The following PACS1 variants were observed in gnomAD, a reference collection of about 807,000 sequenced individuals.
PACS1 encodes the protein phosphofurin acidic cluster sorting protein 1, also known as PACS-1.
A neutral mutation model predicts 115.0 loss-of-function variants in PACS1; 24 were observed. The observed-to-expected ratio is 0.21, with a 90% CI of 0.15 to 0.29. The LOEUF (loss-of-function observed/expected upper bound fraction) is 0.29. PACS1 is among the 10% of genes least tolerant of loss of function. The pLI is 1.00. For synonymous variants in PACS1, 453 were observed against 504.5 expected, an observed-to-expected ratio of 0.90 and a Z score of 1.37; for missense variants, 838 against 1,251.2, an observed-to-expected ratio of 0.67 and a Z score of 4.98.
intron 1 of PACS1, among the ~76,000 whole-genome samples, chr11:66,129,013 G>A (rs1408975236): frequency 6.6e-6 from 1 of 152,146 alleles, no homozygotes; most frequent in African/African-American, 2.4e-5. Context: ...GGAATGATCT[G>A]CGTCTTGGCT....
At chr11:66,191,692 T>C (rs969803605) in intron 1 of PACS1, among the ~76,000 whole-genome samples, 2 of 152,168 alleles carry the variant, frequency 1.3e-5, no homozygotes, top group South Asian at 2.1e-4. Flanking sequence ...AGAAAGAGAT[T>C]TATTTGTTTT....
chr11:66,157,621 C>T (rs1590785861), intron 1 of PACS1, among the ~76,000 whole-genome samples: 1 of 152,152 alleles, frequency 6.6e-6, no homozygotes, highest in Admixed American at 6.5e-5. Context: ...AGGTTTCTTA[C>T]CCAAAATAGT....
At chr11:66,074,737 G>A (rs1485326635) in intron 1 of PACS1, among the ~76,000 whole-genome samples, 1 of 152,054 alleles carries the variant, frequency 6.6e-6, no homozygotes, top group Non-Finnish European at 1.5e-5. Context: ...GGACAAAAGC[G>A]TTGGAATCAC....
At chr11:66,234,296 G>C (rs1855663556) in intron 17 of PACS1, 54 bp downstream of exon 17, 3 of 1,218,134 alleles carry the variant, frequency 2.5e-6, no homozygotes, top group Non-Finnish European at 3.7e-6. Context: ...ACAGGTGCCA[G>C]CCTGGCTGCA....
Position 66,070,298 on chromosome 11 carries a change from C to G in PACS1, c.-189C>G, listed in dbSNP as rs1485859712. On this transcript the variant is annotated 5_prime_UTR_variant, in exon 1 of 24. Transcript: ENST00000320580. This position sits in a 1 kb window ranked among gnomAD's most constrained non-coding sequence, Gnocchi z 5.9. ...CCCGTGTCGGCCTCGCGAGCCGCAA[C>G]AGGCAGCGGCGGTCGAGCGCGAGGC... 1 of 179,094 alleles carries G rather than the reference C, an allele frequency of 5.6e-6. No individual in the cohort carries two copies. Among genetic ancestry groups the G allele is most frequent in the Non-Finnish European group, 1.1e-5 (1 of 88,988 alleles). 11.1% of individuals were successfully genotyped at this position (179,094 alleles called of 1,614,324 possible).
chr11:66,186,435 G>A (rs752395270), intron 1 of PACS1, among the ~76,000 whole-genome samples: 5 of 152,110 alleles, frequency 3.3e-5, no homozygotes, highest in African/African-American at 4.8e-5. Context: ...AACTTCTCAA[G>A]GAGGCCCACC....
At chr11:66,072,245 T>C (rs1857320871) in intron 1 of PACS1, among the ~76,000 whole-genome samples, 1 of 152,190 alleles carries the variant, frequency 6.6e-6, no homozygotes, top group Non-Finnish European at 1.5e-5. Context: ...ATAGTTTAAA[T>C]ATTTTCATGA....
chr11:66,186,907 T>A (rs1854388673), intron 1 of PACS1, among the ~76,000 whole-genome samples: 3 of 152,216 alleles, frequency 2.0e-5, no homozygotes, highest in Non-Finnish European at 4.4e-5. Flanking sequence ...TTCCAATCAG[T>A]GCCTCCACCT....
chr11:66,203,129 A>G (rs1854855614), intron 2 of PACS1, among the ~76,000 whole-genome samples: 1 of 152,164 alleles, frequency 6.6e-6, no homozygotes, highest in South Asian at 2.1e-4. Flanking sequence ...TCACAAAATA[A>G]CTATTAGAAC....
intron 1 of PACS1, among the ~76,000 whole-genome samples, chr11:66,106,299 C>T (rs1858038081): frequency 6.6e-6 from 1 of 152,162 alleles, no homozygotes; most frequent in Non-Finnish European, 1.5e-5. Context: ...TGGCCGAGTG[C>T]AGTGGCTCAC....
intron 1 of PACS1, among the ~76,000 whole-genome samples, chr11:66,145,985 TAAAG>T (rs2134601033): frequency 6.6e-6 from 1 of 152,312 alleles, no homozygotes; most frequent in Admixed American, 6.5e-5. Flanking sequence ...GGCAAATTAC[TAAAG>T]AAATAACACA....
chr11:66,198,103 C>T (rs1021476770), intron 2 of PACS1, among the ~76,000 whole-genome samples: 6 of 152,326 alleles, frequency 3.9e-5, no homozygotes, highest in Middle Eastern at 3.4e-3. Context: ...ATTTTAGAGA[C>T]AAGGTCTTGC....
chr11:66,166,561 T>A (rs1376007310), intron 1 of PACS1, among the ~76,000 whole-genome samples: 2 of 150,958 alleles, frequency 1.3e-5, no homozygotes, highest in South Asian at 2.1e-4. Flanking sequence ...TTTAAAGTTT[T>A]ACTCTATATG....
chr11:66,215,901 AAAAT>A (rs1454389959), intron 4 of PACS1, among the ~76,000 whole-genome samples: 1 of 110,238 alleles, frequency 9.1e-6, no homozygotes, highest in Non-Finnish European at 1.9e-5. Context: ...CTCCGTCTCA[AAAAT>A]AATAATAATA....
intron 1 of PACS1, among the ~76,000 whole-genome samples, chr11:66,183,122 CCT>C (rs1396976025): frequency 6.6e-6 from 1 of 151,744 alleles, no homozygotes; most frequent in Non-Finnish European, 1.5e-5. Flanking sequence ...AGAGTGAGAC[CCT>C]GTCTCAAAAA....
In PACS1 at chr11:66,070,929, C is replaced by G; in HGVS notation, c.356+87C>G. The stretch of plus-strand genomic sequence containing the variant: ...TCCCCGCCCCAGCGCCCATGGGGTC[C>G]CCGCCCTCCATCTCCCCGACTGTCC... On this transcript the variant is annotated intron_variant, in intron 1 of 23. Transcript: ENST00000320580. The surrounding 1 kb of genome is among the most constrained non-coding windows in gnomAD (Gnocchi z 5.9). 1 of 1,271,562 alleles carries G rather than the reference C, an allele frequency of 7.9e-7. No individual in the cohort carries two copies. The highest frequency in any genetic ancestry group is 1.0e-6 in the Non-Finnish European group (1 of 988,336). The allele number at this position is 1,271,562 out of a possible 1,614,324, so 78.8% of individuals were successfully genotyped here. A position where few individuals can be genotyped will look rare whatever the true frequency, so the allele number is the denominator to read the frequency against.
chr11:66,239,249 T>C lies in PACS1; in HGVS notation c.2401T>C (p.Ser801Pro), dbSNP rs138134301. ...CACGGCCACCCCTCCCTCCTCCCCA[T>C]CTATGAGCAGCGCCCTGGCCATCGT... ...DATATPPSSP[S>P]MSSALAIVGS... The change falls in exon 21 of 24, where the codon TCT (serine) becomes CCT (proline). Residue 801 changes from serine (S) to proline (P), a missense_variant. This residue lies in a region of PACS1 where 383 missense variants were observed against 537.0 expected (regional missense o/e 0.71). Transcript: ENST00000320580. 6.2e-6 allele frequency: 10 copies of C among 1,613,308 alleles called. No homozygotes were observed. Among genetic ancestry groups the C allele is most frequent in the Non-Finnish European group, 7.6e-6 (9 of 1,179,918 alleles).
At chr11:66,138,590 T>C (rs990674876) in intron 1 of PACS1, among the ~76,000 whole-genome samples, 10 of 152,000 alleles carry the variant, frequency 6.6e-5, no homozygotes, top group Admixed American at 2.0e-4. Flanking sequence ...CTCACCCTAA[T>C]CCCAGCCCTG....
At chr11:66,105,789 T>G (rs543113974) in intron 1 of PACS1, among the ~76,000 whole-genome samples, 17 of 152,232 alleles carry the variant, frequency 1.1e-4, no homozygotes, top group Non-Finnish European at 1.9e-4. Context: ...GAATAGGCTT[T>G]ATGGATAGAT....
Sources: allele counts gnomAD v4.1 joint callset (sites outside exome capture counted in the v4.1 genomes callset), GRCh38; gene constraint gnomAD v4.1.1; regional missense constraint gnomAD v4.1.1; non-coding constraint Gnocchi (gnomAD v3.1); transcripts MANE v1.5; gene names NCBI Gene and HGNC (gene_info 2026-07-23, HGNC 2026-07-21).